The following FBXL7 variants were observed in gnomAD, a reference collection of about 807,000 sequenced individuals.
FBXL7 encodes the protein F-box and leucine rich repeat protein 7.
Under a neutral mutation model 38.3 loss-of-function variants are expected in FBXL7, and 12 were observed. The ratio of observed to expected loss-of-function variants is 0.31; its 90% CI spans 0.20 to 0.51. FBXL7 has a LOEUF of 0.51. Among genes scored for constraint, FBXL7 ranks in the 20% least tolerant of loss-of-function variants. The pLI is 0.98. For synonymous variants in FBXL7, 297 were observed against 300.9 expected (o/e 0.99, Z 0.13); for missense variants, 567 against 676.4 (o/e 0.84, Z 1.79).
intron 1 of FBXL7, among the ~76,000 whole-genome samples, chr5:15,614,007 A>G (rs1740353702): frequency 6.6e-6 from 1 of 152,160 alleles, no homozygotes; most frequent in African/African-American, 2.4e-5. Flanking sequence ...GGCACTAAGC[A>G]GAGTCCTCAT....
intron 2 of FBXL7, among the ~76,000 whole-genome samples, chr5:15,737,909 C>T (rs1052919571): frequency 1.3e-5 from 2 of 152,166 alleles, no homozygotes; most frequent in Admixed American, 1.3e-4. Flanking sequence ...CTCATTCTGA[C>T]ATCATGGGAC....
chr5:15,666,284 A>G (rs1742273552), intron 2 of FBXL7, among the ~76,000 whole-genome samples: 1 of 152,224 alleles, frequency 6.6e-6, no homozygotes, highest in Non-Finnish European at 1.5e-5. Flanking sequence ...CAAAATACAC[A>G]TAGCATGAAA....
chr5:15,838,313 G>C (rs187681886), intron 2 of FBXL7, among the ~76,000 whole-genome samples: 37 of 152,282 alleles, frequency 2.4e-4, no homozygotes, highest in African/African-American at 8.7e-4. Context: ...TCAGTGCCTA[G>C]TAACAGCTCA....
rs377509890 is a variant in FBXL7, at chr5:15,768,259, C to T, written c.127+152187C>T. Among the ~76,000 whole-genome samples, 32 of 152,128 alleles carry T rather than the reference C, an allele frequency of 2.1e-4. No homozygotes were observed. The East Asian group carries it at 4.7e-3, about 22-fold the overall frequency. On this transcript the variant is annotated intron_variant, in intron 2 of 3. Coordinates refer to ENST00000504595, the MANE Select transcript of FBXL7 (RefSeq NM_012304.5). ...AAACAGTAACATTGCTGGCTGGGCACGGTGACTCACACCTGTAATCCCAGC... is the reference window on the plus strand; with the variant it reads ...AAACAGTAACATTGCTGGCTGGGCATGGTGACTCACACCTGTAATCCCAGC...
intron 2 of FBXL7, among the ~76,000 whole-genome samples, chr5:15,644,370 G>C (rs924116370): frequency 2.0e-4 from 31 of 151,466 alleles, no homozygotes; most frequent in African/African-American, 7.3e-4. Context: ...AGCTACTCAG[G>C]AGGCTGAGGC....
chr5:15,776,868 C>T (rs1242636635), intron 2 of FBXL7, among the ~76,000 whole-genome samples: 1 of 151,826 alleles, frequency 6.6e-6, no homozygotes, highest in Non-Finnish European at 1.5e-5. Flanking sequence ...AAATGTTAGC[C>T]ATCAATTGGG....
intron 2 of FBXL7, among the ~76,000 whole-genome samples, chr5:15,927,076 G>C (rs1014086018): frequency 6.6e-6 from 1 of 151,790 alleles, no homozygotes; most frequent in East Asian, 1.9e-4. Context: ...CGTAATCCCC[G>C]TTCATGTAGA....
rs1354224773 is a variant in FBXL7, at chr5:15,616,151, TGTTA to T, written c.127+83_127+86del. On this transcript the variant is annotated intron_variant, in intron 2 of 3. Transcript: ENST00000504595. ...TTGGAACAGAAATAAAGTGTGGGAGTGTTAGTTCTATTCTCCTGAGTGGGAGCAT... is the reference window on the plus strand; with the variant it reads ...TTGGAACAGAAATAAAGTGTGGGAGTGTTCTATTCTCCTGAGTGGGAGCAT... 17 of 990,980 alleles carry T rather than the reference TGTTA, an allele frequency of 1.7e-5. No homozygotes were observed. In the African/African-American group the frequency reaches 2.6e-4, roughly 15 times the overall value. The allele number at this position is 990,980 out of a possible 1,614,324, so 61.4% of individuals were successfully genotyped here.
chr5:15,598,084 G>A (rs563574274), intron 1 of FBXL7, among the ~76,000 whole-genome samples: 3,626 of 152,278 alleles, frequency 0.024, 55 homozygotes, highest in Middle Eastern at 0.044. Flanking sequence ...TTTAGGGGGA[G>A]TGATTTTTTA....
At chr5:15,523,166 T>C (rs1028255313) in intron 1 of FBXL7, among the ~76,000 whole-genome samples, 20 of 152,186 alleles carry the variant, frequency 1.3e-4, no homozygotes, top group African/African-American at 3.6e-4. Flanking sequence ...TTAGGGTAAA[T>C]GGCACTAACT....
chr5:15,835,933 T>C (rs1738580914), intron 2 of FBXL7, among the ~76,000 whole-genome samples: 1 of 152,206 alleles, frequency 6.6e-6, no homozygotes, highest in Non-Finnish European at 1.5e-5. Flanking sequence ...TAAAGAACTC[T>C]GGGCAGGATT....
chr5:15,616,756 A>G (rs940950218), intron 2 of FBXL7, among the ~76,000 whole-genome samples: 2 of 152,220 alleles, frequency 1.3e-5, no homozygotes, highest in African/African-American at 2.4e-5. Flanking sequence ...AGTTGACCCA[A>G]TTATAGAATC....
chr5:15,731,683 A>G (rs968439412), intron 2 of FBXL7, among the ~76,000 whole-genome samples: 2 of 152,192 alleles, frequency 1.3e-5, no homozygotes, highest in African/African-American at 4.8e-5. Flanking sequence ...TTCTTTAATA[A>G]TCTCTGTGAT....
intron 1 of FBXL7, chr5:15,607,037 G>T (rs1740048569): frequency 6.6e-6 from 1 of 152,110 alleles, no homozygotes; most frequent in Non-Finnish European, 1.5e-5. Flanking sequence ...TTGAACTGTG[G>T]ATCAAAGAAG....
At chr5:15,854,378 A>G (rs1216594996) in intron 2 of FBXL7, among the ~76,000 whole-genome samples, 1 of 152,202 alleles carries the variant, frequency 6.6e-6, no homozygotes, top group African/African-American at 2.4e-5. Context: ...TAGCCATCAT[A>G]TTAATTATTC....
chr5:15,906,310 C>T (rs921885424), intron 2 of FBXL7, among the ~76,000 whole-genome samples: 20 of 151,942 alleles, frequency 1.3e-4, no homozygotes, highest in Non-Finnish European at 2.5e-4. Context: ...TAAATATAAA[C>T]TTCTAAGTAT....
intron 2 of FBXL7, among the ~76,000 whole-genome samples, chr5:15,632,398 C>G (rs768385487): frequency 6.6e-6 from 1 of 152,034 alleles, no homozygotes; most frequent in South Asian, 2.1e-4. Context: ...CCACTAAAAA[C>G]GTGTTAGATG....
At chr5:15,779,066 G>C (rs1579455495) in intron 2 of FBXL7, among the ~76,000 whole-genome samples, 1 of 152,140 alleles carries the variant, frequency 6.6e-6, no homozygotes, top group Middle Eastern at 3.4e-3. Context: ...TATACGCTTA[G>C]GATGGGTATT....
chr5:15,521,778 G>C (rs1737101919), intron 1 of FBXL7, among the ~76,000 whole-genome samples: 1 of 152,184 alleles, frequency 6.6e-6, no homozygotes, highest in South Asian at 2.1e-4. Flanking sequence ...GAAAGAATGT[G>C]CCTCTTCTCC....
Sources: gnomAD v4.1 joint callset for allele counts (sites outside exome capture counted in the v4.1 genomes callset) on GRCh38, gnomAD v4.1.1 for gene constraint, MANE v1.5 for transcripts, NCBI Gene and HGNC (gene_info 2026-07-23, HGNC 2026-07-21) for gene names.